The following EDNRA variants were observed in gnomAD, a reference collection of about 807,000 sequenced individuals.
EDNRA encodes the protein endothelin receptor type A.
EDNRA carries 11 observed loss-of-function variants against 41.4 expected under a neutral mutation model. That is an observed-to-expected ratio of 0.27 (90% CI 0.17 to 0.44). EDNRA has a LOEUF of 0.44. EDNRA is among the 20% of genes least tolerant of loss of function. The pLI is 1.00. For missense variants in EDNRA, 294 were observed against 531.0 expected (o/e 0.55, Z 4.39); for synonymous variants, 172 against 183.0 (o/e 0.94, Z 0.49).
At chr4:147,539,513 G>A (rs1051853691) in intron 5 of EDNRA, among the ~76,000 whole-genome samples, 6 of 152,066 alleles carry the variant, frequency 3.9e-5, no homozygotes, top group Non-Finnish European at 7.4e-5. Context: ...TGCAGACTCA[G>A]CTGGCTCACC....
At chr4:147,512,716 C>T (rs532275678) in intron 2 of EDNRA, among the ~76,000 whole-genome samples, 2 of 152,230 alleles carry the variant, frequency 1.3e-5, no homozygotes, top group African/African-American at 4.8e-5. Context: ...GGGACAAAGT[C>T]ACCCGAGCCT....
intron 2 of EDNRA, among the ~76,000 whole-genome samples, chr4:147,515,132 T>A (rs113681410): frequency 9.2e-5 from 14 of 152,304 alleles, no homozygotes; most frequent in African/African-American, 3.4e-4. Flanking sequence ...AGACTACTAA[T>A]GCTTATGTCC....
chr4:147,535,249 C>T (rs981826149), intron 4 of EDNRA, among the ~76,000 whole-genome samples: 4 of 152,102 alleles, frequency 2.6e-5, no homozygotes, highest in African/African-American at 9.7e-5. Context: ...AGATATGCTT[C>T]AGTTGAGATA....
chr4:147,526,787 A>G (rs1730569837), intron 3 of EDNRA, among the ~76,000 whole-genome samples: 1 of 152,176 alleles, frequency 6.6e-6, no homozygotes, highest in Admixed American at 6.6e-5. Context: ...CTCTACAAAA[A>G]ATATTTTTAA....
intron 2 of EDNRA, among the ~76,000 whole-genome samples, chr4:147,518,969 T>C (rs1200766813): frequency 1.3e-5 from 2 of 152,192 alleles, no homozygotes; most frequent in Non-Finnish European, 2.9e-5. Flanking sequence ...ATTAGACAAA[T>C]ACAGAGTACT....
intron 3 of EDNRA, among the ~76,000 whole-genome samples, chr4:147,529,846 A>G (rs759875281): frequency 6.6e-6 from 1 of 152,164 alleles, no homozygotes. Context: ...CCCCACCTCC[A>G]TTATCACAAA....
At chr4:147,530,119 A>C (rs1730695886) in intron 3 of EDNRA, among the ~76,000 whole-genome samples, 1 of 152,236 alleles carries the variant, frequency 6.6e-6, no homozygotes, top group Non-Finnish European at 1.5e-5. Context: ...GTCTGTGAAC[A>C]TGTTCATCAT....
In EDNRA at chr4:147,485,741, TG is replaced by T; in HGVS notation, c.61del (p.Asp21IlefsTer10). 1 of 1,614,100 alleles carries T rather than the reference TG, an allele frequency of 6.2e-7. No individual in the cohort carries two copies. Among genetic ancestry groups the T allele is most frequent in the Non-Finnish European group, 8.5e-7 (1 of 1,179,980 alleles). ...TGGCACTGGTTGGATGTGTAATCAG[TG>T]ATAATCCTGAGAGATACAGCACAAA... ...WLALVGCVISDNPERYSTNLS... is the reference protein window; with the variant it reads ...WLALVGCVISXNPERYSTNLS... On this transcript the variant is annotated frameshift_variant, in exon 2 of 8. Coordinates refer to ENST00000651419, the MANE Select transcript of EDNRA (RefSeq NM_001957.4). LOFTEE classifies it high-confidence loss of function.
intron 5 of EDNRA, among the ~76,000 whole-genome samples, chr4:147,537,785 A>G (rs180808769): frequency 8.2e-5 from 9 of 109,476 alleles, no homozygotes; most frequent in Admixed American, 4.4e-4. Context: ...CCAAATGGAG[A>G]TTAGAACCCA....
intron 1 of EDNRA, among the ~76,000 whole-genome samples, chr4:147,484,259 TAAAAA>T (rs1728869158): frequency 6.6e-6 from 1 of 150,384 alleles, no homozygotes; most frequent in South Asian, 2.1e-4. Flanking sequence ...GCAAGTGACT[TAAAAA>T]TAAATAAATA....
In EDNRA at chr4:147,486,032, G is replaced by A. The variant is rs751907173; in HGVS notation, c.351G>A (p.Ala117=). The A allele has an allele frequency of 7.4e-6, 12 of 1,614,090 alleles. No individual in the cohort carries two copies. Among genetic ancestry groups the A allele is most frequent in the South Asian group, 4.4e-5 (4 of 91,082 alleles). ...AATGTATGAGGAATGGCCCCAACGC[G>A]CTGATAGCCAGTCTTGCCCTTGGAG... ...QNKCMRNGPN[A]LIASLALGDL... The change falls in exon 2 of 8, where the codon GCG becomes GCA. Residue 117 remains alanine, a synonymous_variant. Transcript: ENST00000651419. This position sits in a 1 kb window ranked among gnomAD's most constrained non-coding sequence, Gnocchi z 4.3.
At chr4:147,534,066 G>A (rs1326298250) in intron 4 of EDNRA, among the ~76,000 whole-genome samples, 1 of 152,084 alleles carries the variant, frequency 6.6e-6, no homozygotes, top group Non-Finnish European at 1.5e-5. Flanking sequence ...CCATGTTGAT[G>A]ACATCAGTTC....
chr4:147,486,162 A>G lies in EDNRA; in HGVS notation c.420+61A>G. Reference sequence around the variant, plus strand: ...ACCCATGCTCTGATTCCACGTGGAGAGTTGCTGCAGACTTTTCTGACCTTT... The same window carrying G: ...ACCCATGCTCTGATTCCACGTGGAGGGTTGCTGCAGACTTTTCTGACCTTT... On this transcript the variant is annotated intron_variant, in intron 2 of 7. Transcript: ENST00000651419. This position sits in a 1 kb window ranked among gnomAD's most constrained non-coding sequence, Gnocchi z 4.3. The G allele has an allele frequency of 6.6e-7, 1 of 1,524,566 alleles. No individual in the cohort carries two copies. Among genetic ancestry groups the G allele is most frequent in the Non-Finnish European group, 8.8e-7 (1 of 1,134,080 alleles). 94.4% of individuals were successfully genotyped at this position (1,524,566 alleles called of 1,614,324 possible). A position where few individuals can be genotyped will look rare whatever the true frequency, so the allele number is the denominator to read the frequency against.
chr4:147,535,764 A>C, intron 4 of EDNRA, 113 bp from the exon 5 acceptor site: 1 of 1,335,960 alleles, frequency 7.5e-7, no homozygotes. Context: ...AGAGAGCATG[A>C]TTTTACAGAT....
At chr4:147,484,386 C>T (rs1307209100) in intron 1 of EDNRA, among the ~76,000 whole-genome samples, 2 of 152,122 alleles carry the variant, frequency 1.3e-5, no homozygotes, top group Admixed American at 1.3e-4. Flanking sequence ...ACAAATAAAG[C>T]ACAAGAATGA....
chr4:147,523,878 C>G lies in EDNRA; in HGVS notation c.548+3900C>G, dbSNP rs62345675. On this transcript the variant is annotated intron_variant, in intron 3 of 7. Transcript: ENST00000651419. ...GAGAGGAAAGTATGAAGAGGCAGGT[C>G]TGACATCCCCTTCCCATCATGGCCT... 5.9e-3 allele frequency among the ~76,000 whole-genome samples: 895 copies of G among 152,246 alleles called. 7 individuals are homozygous for G. Among genetic ancestry groups the G allele is most frequent in the Non-Finnish European group, 8.8e-3 (597 of 68,020 alleles).
At chr4:147,529,078 A>G (rs1463400724) in intron 3 of EDNRA, among the ~76,000 whole-genome samples, 1 of 152,234 alleles carries the variant, frequency 6.6e-6, no homozygotes, top group Non-Finnish European at 1.5e-5. Flanking sequence ...AACAGGTACG[A>G]TGGTGAAAAG....
intron 2 of EDNRA, among the ~76,000 whole-genome samples, chr4:147,508,296 G>A (rs1315004278): frequency 6.6e-6 from 1 of 152,032 alleles, no homozygotes; most frequent in Non-Finnish European, 1.5e-5. Context: ...GCACCACCAC[G>A]CCTGGCTAAT....
chr4:147,487,750 A>G (rs1281525416), intron 2 of EDNRA, among the ~76,000 whole-genome samples: 1 of 152,250 alleles, frequency 6.6e-6, no homozygotes, highest in Non-Finnish European at 1.5e-5. Context: ...TCCAAAATTG[A>G]AGAGATTAGA....
Sources: gnomAD v4.1 joint callset for allele counts (sites outside exome capture counted in the v4.1 genomes callset) on GRCh38, gnomAD v4.1.1 for gene constraint, Gnocchi (gnomAD v3.1) non-coding constraint, MANE v1.5 for transcripts, NCBI Gene and HGNC (gene_info 2026-07-23, HGNC 2026-07-21) for gene names.